FKBP1B: variants seen among roughly 807,000 people sequenced by gnomAD.
The protein encoded by FKBP1B is peptidyl-prolyl cis-trans isomerase FKBP1B.
FKBP1B carries 4 observed loss-of-function variants against 13.5 expected under a neutral mutation model. The observed-to-expected ratio is 0.30, with a 90% CI of 0.15 to 0.68. The LOEUF (loss-of-function observed/expected upper bound fraction) is 0.68, where lower values mean the gene tolerates loss of function less well. Ranked by LOEUF, FKBP1B falls within the 30% of genes least tolerant of loss-of-function variation. The pLI is 0.76. For synonymous variants in FKBP1B, 54 were observed against 53.6 expected (o/e 1.01, Z -0.03); for missense variants, 93 against 136.2 (o/e 0.68, Z 1.58).
chr2:24,048,745 C>T (rs572952625), upstream of FKBP1B, among the ~76,000 whole-genome samples: 1 of 152,030 alleles, frequency 6.6e-6, no homozygotes, highest in Non-Finnish European at 1.5e-5. Flanking sequence ...TTCTAGATTC[C>T]TGAATGTATT....
chr2:24,046,945 G>A (rs1254481213), upstream of FKBP1B, among the ~76,000 whole-genome samples: 1 of 152,080 alleles, frequency 6.6e-6, no homozygotes, highest in East Asian at 1.9e-4. Flanking sequence ...CATACACTCA[G>A]TGAAGTGACA....
chr2:24,057,399 G>A (rs574062829), intron 2 of FKBP1B, among the ~76,000 whole-genome samples: 1 of 151,808 alleles, frequency 6.6e-6, no homozygotes, highest in Non-Finnish European at 1.5e-5. Flanking sequence ...GTGTGATGGA[G>A]TTTTGCTATC....
chr2:24,038,538 C>A, the FKBP1B span: 1 of 1,614,136 alleles, frequency 6.2e-7, no homozygotes, highest in South Asian at 1.1e-5. Flanking sequence ...TCACAAGGAC[C>A]AAATGTGAAG....
At chr2:24,057,349 C>T (rs1341416840) in intron 2 of FKBP1B, among the ~76,000 whole-genome samples, 2 of 150,980 alleles carry the variant, frequency 1.3e-5, no homozygotes, top group Non-Finnish European at 1.5e-5. Context: ...GAACATGCTA[C>T]CATGCCTGGC....
At chr2:24,052,231 C>T (rs543635996) in intron 1 of FKBP1B, among the ~76,000 whole-genome samples, 2 of 152,304 alleles carry the variant, frequency 1.3e-5, no homozygotes, top group Admixed American at 6.5e-5. Flanking sequence ...GACGCCTAAC[C>T]GTCCATCCTA....
intron 1 of FKBP1B, among the ~76,000 whole-genome samples, chr2:24,051,848 A>G (rs1027940290): frequency 3.3e-5 from 5 of 152,136 alleles, no homozygotes; most frequent in Middle Eastern, 3.2e-3. Flanking sequence ...AGGCTTCCTT[A>G]GGCTTTGTAT....
the FKBP1B span, among the ~76,000 whole-genome samples, chr2:24,034,001 T>C: frequency 3.3e-5 from 5 of 152,252 alleles, no homozygotes; most frequent in African/African-American, 1.2e-4. Context: ...CAAAACCAAC[T>C]AATCATTTAT....
At chr2:24,046,467 C>A (rs1355566837), upstream of FKBP1B, among the ~76,000 whole-genome samples, 7 of 152,108 alleles carry the variant, frequency 4.6e-5, no homozygotes, top group Admixed American at 4.6e-4. Context: ...AGGGAAAAGA[C>A]CACTGTATTA....
the FKBP1B span, among the ~76,000 whole-genome samples, chr2:24,043,906 A>C: frequency 6.6e-6 from 1 of 151,430 alleles, no homozygotes; most frequent in Non-Finnish European, 1.5e-5. Context: ...AAAAGGGTCT[A>C]TTATGCTTTT....
At chr2:24,043,025 C>T in the FKBP1B span, among the ~76,000 whole-genome samples, 4 of 119,444 alleles carry the variant, frequency 3.3e-5, no homozygotes, top group African/African-American at 1.4e-4. Flanking sequence ...AAGAGTGAAA[C>T]TCCGTCTCAA....
Position 24,053,854 on chromosome 2 carries a change from G to A in FKBP1B, c.38-48G>A. ...CAGGATCATACTTAATGTCCCAGGT[G>A]TTTTTCCAATATCCTACTCCTTCAT... On this transcript the variant is annotated intron_variant, in intron 1 of 3. Transcript: ENST00000380986. The A allele has an allele frequency of 1.9e-6, 3 of 1,578,246 alleles. No individual in the cohort carries two copies. In the South Asian group the frequency reaches 3.3e-5, roughly 17 times the overall value.
At chr2:24,035,436 T>C in the FKBP1B span, among the ~76,000 whole-genome samples, 1 of 151,858 alleles carries the variant, frequency 6.6e-6, no homozygotes, top group African/African-American at 2.4e-5. Context: ...TGAAGAAACA[T>C]AGGGTAGGAA....
chr2:24,056,943 G>A (rs923359486), intron 2 of FKBP1B, among the ~76,000 whole-genome samples: 2 of 151,950 alleles, frequency 1.3e-5, no homozygotes, highest in Admixed American at 6.6e-5. Context: ...CACCTGCCTC[G>A]GCCTCCCAGA....
chr2:24,037,883 C>T, the FKBP1B span: 1 of 1,614,138 alleles, frequency 6.2e-7, no homozygotes, highest in Non-Finnish European at 8.5e-7. Flanking sequence ...CGAGGAGGCT[C>T]CAGTGTGCTG....
At position 24,049,784 on chromosome 2, in the gene FKBP1B, G is replaced by GGCTGGA; in HGVS notation, c.-64_-63insTGGAGC. 1 of 1,279,692 alleles carries GGCTGGA rather than the reference G, an allele frequency of 7.8e-7. No homozygotes were observed. The highest frequency in any genetic ancestry group is 1.0e-6 in the Non-Finnish European group (1 of 1,000,834). 79.3% of individuals were successfully genotyped at this position (1,279,692 alleles called of 1,614,324 possible). A position where few individuals can be genotyped will look rare whatever the true frequency, so the allele number is the denominator to read the frequency against. On this transcript the variant is annotated 5_prime_UTR_variant, in exon 1 of 4. Transcript: ENST00000380986. Reference sequence around the variant, plus strand: ...CGAGCCGGAGCGACGGCGGGGCTGGGGCCGGAGCCGAGCCGGGGTCGGGCA... The same window carrying GGCTGGA: ...CGAGCCGGAGCGACGGCGGGGCTGGGGCTGGAGCCGGAGCCGAGCCGGGGTCGGGCA...
upstream of FKBP1B, chr2:24,045,794 G>A (rs1663605241): frequency 6.6e-6 from 1 of 151,974 alleles, no homozygotes; most frequent in African/African-American, 2.4e-5. Context: ...GCAACACAGG[G>A]AGACCCCAAT....
At chr2:24,038,023 G>C in the FKBP1B span, 1 of 1,614,142 alleles carries the variant, frequency 6.2e-7, no homozygotes, top group Non-Finnish European at 8.5e-7. Context: ...TGTTCTTCCA[G>C]GCCTTCCATT....
At position 24,063,408 on chromosome 2, in the gene FKBP1B, G is replaced by A. The variant is rs1664492229; in HGVS notation, c.*216G>A. ...GAGGAAACTTCGGTTGCAGATTGAA[G>A]CATTTCAGGTTGTGCATTTTGTGTG... On this transcript the variant is annotated 3_prime_UTR_variant, in exon 4 of 4. Transcript: ENST00000380986. 1 of 508,712 alleles carries A rather than the reference G, an allele frequency of 2.0e-6. No individual in the cohort carries two copies. Among genetic ancestry groups the A allele is most frequent in the Non-Finnish European group, 3.4e-6 (1 of 292,396 alleles). The allele number at this position is 508,712 out of a possible 1,614,324, so 31.5% of individuals were successfully genotyped here. A position where few individuals can be genotyped will look rare whatever the true frequency, so the allele number is the denominator to read the frequency against.
chr2:24,034,979 T>C, the FKBP1B span, among the ~76,000 whole-genome samples: 1 of 151,798 alleles, frequency 6.6e-6, no homozygotes, highest in Non-Finnish European at 1.5e-5. Flanking sequence ...AAATAGCCTA[T>C]TTAAAGAAAA....
Sources: gnomAD v4.1 joint callset for allele counts (sites outside exome capture counted in the v4.1 genomes callset) on GRCh38, gnomAD v4.1.1 for gene constraint, MANE v1.5 for transcripts, NCBI Gene and HGNC (gene_info 2026-07-23, HGNC 2026-07-21) for gene names.